The following RIC1 variants were observed in gnomAD, a reference collection of about 807,000 sequenced individuals.
RIC1 encodes guanine nucleotide exchange factor subunit RIC1.
A neutral mutation model predicts 169.0 loss-of-function variants in RIC1; 88 were observed. That is an observed-to-expected ratio of 0.52 (90% CI 0.44 to 0.62). The LOEUF is 0.62. Ranked by LOEUF, RIC1 falls within the 20% of genes least tolerant of loss-of-function variation. The pLI, the probability that RIC1 is intolerant of heterozygous loss-of-function variation, is 0.00. For synonymous variants in RIC1, 790 were observed against 601.5 expected (o/e 1.31, Z -4.59); for missense variants, 1,877 against 1,725.5 (o/e 1.09, Z -1.56).
chr9:5,773,890 C>G (rs547410953), intron 25 of RIC1, 68 bp from the exon 26 acceptor site: 1 of 1,377,908 alleles, frequency 7.3e-7, no homozygotes, highest in Non-Finnish European at 9.9e-7. Context: ...AGTAGAAGTT[C>G]ACCCGTAATG....
rs757439744 is a variant in RIC1, at chr9:5,769,272, T to C, written c.3424+16T>C. The C allele has an allele frequency of 5.6e-6, 9 of 1,613,838 alleles. No homozygotes were observed. Among genetic ancestry groups the C allele is most frequent in the East Asian group, 2.2e-5 (1 of 44,898 alleles). On this transcript the variant is annotated intron_variant, in intron 22 of 25. Transcript: ENST00000414202. ...TACCGAACTGGTAATGTAGACTTCATGTCACTTGTACAAGGAGAATTGTAT... is the reference window on the plus strand; with the variant it reads ...TACCGAACTGGTAATGTAGACTTCACGTCACTTGTACAAGGAGAATTGTAT...
intron 2 of RIC1, among the ~76,000 whole-genome samples, chr9:5,668,862 C>T (rs1196168259): frequency 1.3e-5 from 2 of 152,134 alleles, no homozygotes; most frequent in Non-Finnish European, 2.9e-5. Context: ...TTTAATGTCT[C>T]AGATTAATAA....
chr9:5,649,171 A>G (rs567853504), intron 1 of RIC1, among the ~76,000 whole-genome samples: 2 of 152,346 alleles, frequency 1.3e-5, no homozygotes, highest in African/African-American at 2.4e-5. Flanking sequence ...AACTATATCA[A>G]GTGTCTTCTT....
intron 8 of RIC1, among the ~76,000 whole-genome samples, chr9:5,739,367 A>G (rs890689131): frequency 2.0e-5 from 3 of 152,118 alleles, no homozygotes; most frequent in Non-Finnish European, 2.9e-5. Context: ...AGTGGGCCCA[A>G]ATCAATAAAT....
At chr9:5,733,335 C>T (rs532616241) in intron 7 of RIC1, among the ~76,000 whole-genome samples, 1 of 150,842 alleles carries the variant, frequency 6.6e-6, no homozygotes, top group South Asian at 2.1e-4. Context: ...GCGATCTCAG[C>T]TCACTGCAAG....
intron 3 of RIC1, among the ~76,000 whole-genome samples, chr9:5,705,192 G>GTTTT (rs35035828): frequency 3.5e-5 from 4 of 113,402 alleles, no homozygotes; most frequent in Admixed American, 9.0e-5. Context: ...TCCCATTTCT[G>GTTTT]TTTTTTTTTT....
intron 8 of RIC1, among the ~76,000 whole-genome samples, chr9:5,742,427 C>T (rs1825135300): frequency 1.3e-5 from 2 of 152,114 alleles, no homozygotes; most frequent in African/African-American, 4.8e-5. Flanking sequence ...GTGTCATTTG[C>T]TGTACTTCCA....
intron 6 of RIC1, among the ~76,000 whole-genome samples, chr9:5,725,975 A>G (rs1356044471): frequency 1.3e-5 from 2 of 152,112 alleles, no homozygotes; most frequent in Non-Finnish European, 1.5e-5. Context: ...ACTTCCAACT[A>G]TGTGGTCAAT....
intron 1 of RIC1, among the ~76,000 whole-genome samples, chr9:5,637,794 A>G (rs1384942379): frequency 6.6e-6 from 1 of 151,962 alleles, no homozygotes; most frequent in East Asian, 1.9e-4. Context: ...ACCGGATCTC[A>G]TTTTTTTTGT....
At chr9:5,676,543 A>C (rs906956797) in intron 2 of RIC1, among the ~76,000 whole-genome samples, 5 of 152,208 alleles carry the variant, frequency 3.3e-5, no homozygotes, top group Non-Finnish European at 5.9e-5. Flanking sequence ...TAACCTGCTC[A>C]AGAATACATG....
chr9:5,650,027 G>A (rs1204078066), intron 1 of RIC1, among the ~76,000 whole-genome samples: 1 of 152,160 alleles, frequency 6.6e-6, no homozygotes, highest in Non-Finnish European at 1.5e-5. Context: ...AGTTCTCCTG[G>A]GCAGTGGGAT....
At chr9:5,710,761 G>T (rs184792527) in intron 3 of RIC1, among the ~76,000 whole-genome samples, 8 of 152,216 alleles carry the variant, frequency 5.3e-5, no homozygotes, top group Admixed American at 4.6e-4. Flanking sequence ...AAGGTAGGAT[G>T]GTTTAAGAAA....
At chr9:5,756,714 G>T (rs1275840640) in intron 16 of RIC1, among the ~76,000 whole-genome samples, 2 of 152,080 alleles carry the variant, frequency 1.3e-5, no homozygotes, top group Non-Finnish European at 2.9e-5. Flanking sequence ...GAATTTGAAG[G>T]AGTTCTACAA....
chr9:5,660,891 A>G (rs1478879114), intron 2 of RIC1, among the ~76,000 whole-genome samples: 1 of 152,070 alleles, frequency 6.6e-6, no homozygotes, highest in Non-Finnish European at 1.5e-5. Context: ...TTTTGTTGCA[A>G]TTGCTTTTGT....
intron 2 of RIC1, among the ~76,000 whole-genome samples, chr9:5,689,556 G>A (rs569828641): frequency 9.9e-5 from 15 of 152,020 alleles, no homozygotes; most frequent in Non-Finnish European, 1.9e-4. Flanking sequence ...TAGAGTAAGC[G>A]TTTTGTCTTA....
chr9:5,715,123 T>C (rs1563921244), intron 4 of RIC1, among the ~76,000 whole-genome samples: 1 of 152,234 alleles, frequency 6.6e-6, no homozygotes, highest in Non-Finnish European at 1.5e-5. Context: ...TTACAGAAGA[T>C]TGAGTTCAAA....
At chr9:5,728,078 C>G (rs1428643870) in intron 6 of RIC1, among the ~76,000 whole-genome samples, 1 of 152,256 alleles carries the variant, frequency 6.6e-6, no homozygotes, top group East Asian at 1.9e-4. Context: ...AGCTGTTAGA[C>G]AGGGACATTT....
At chr9:5,629,488 C>T in intron 1 of RIC1, 35 bp downstream of exon 1, 3 of 1,504,834 alleles carry the variant, frequency 2.0e-6, no homozygotes, top group Non-Finnish European at 2.7e-6. Flanking sequence ...TCGCCGCTGC[C>T]TCCCCGGCCT....
chr9:5,771,176 A>AT (rs1237470502), intron 23 of RIC1, among the ~76,000 whole-genome samples: 2 of 152,218 alleles, frequency 1.3e-5, no homozygotes, highest in Admixed American at 1.3e-4. Flanking sequence ...CTTCATCTTC[A>AT]AAACGAAAAC....
Sources: gnomAD v4.1 joint callset for allele counts (sites outside exome capture counted in the v4.1 genomes callset) on GRCh38, gnomAD v4.1.1 for gene constraint, MANE v1.5 for transcripts, NCBI Gene and HGNC (gene_info 2026-07-23, HGNC 2026-07-21) for gene names.